The following MEIS2 variants were observed in gnomAD, a reference collection of about 807,000 sequenced individuals.
MEIS2 encodes Meis homeobox 2, also known as homeobox protein Meis2.
In MEIS2, 9 loss-of-function variants were observed where a neutral mutation model predicts 58.6. That is an observed-to-expected ratio of 0.15 (90% CI 0.09 to 0.27). The LOEUF is 0.27. MEIS2 is among the 10% of genes least tolerant of loss of function. MEIS2 has a pLI of 1.00. For synonymous variants in MEIS2, 221 were observed against 228.4 expected, an observed-to-expected ratio of 0.97 and a Z score of 0.29; for missense variants, 427 against 635.0, an observed-to-expected ratio of 0.67 and a Z score of 3.52.
intron 8 of MEIS2, among the ~76,000 whole-genome samples, chr15:37,020,176 C>T (rs566031806): frequency 3.0e-4 from 46 of 152,176 alleles, no homozygotes; most frequent in African/African-American, 1.1e-3. Context: ...CTGTGGAGAG[C>T]GGGGTTTGCC....
chr15:37,029,481 G>A (rs760695798), intron 8 of MEIS2, among the ~76,000 whole-genome samples: 1 of 152,112 alleles, frequency 6.6e-6, no homozygotes, highest in Non-Finnish European at 1.5e-5. Context: ...AACCATTCAA[G>A]ATCCTTAAAA....
intron 9 of MEIS2, among the ~76,000 whole-genome samples, chr15:36,929,271 A>G (rs2057872421): frequency 6.6e-6 from 1 of 152,240 alleles, no homozygotes; most frequent in African/African-American, 2.4e-5. Flanking sequence ...AGTAAGATGA[A>G]GGAAGAAGTG....
chr15:37,003,897 GAAGT>G (rs1029915410), intron 8 of MEIS2, among the ~76,000 whole-genome samples: 3 of 152,150 alleles, frequency 2.0e-5, no homozygotes, highest in Non-Finnish European at 4.4e-5. Flanking sequence ...TCTACACCGG[GAAGT>G]AAGCCGTCAC....
chr15:37,036,688 T>C, intron 8 of MEIS2, 126 bp downstream of exon 8: 1 of 1,080,046 alleles, frequency 9.3e-7, no homozygotes, highest in African/African-American at 1.6e-5. Context: ...AACTAGTCTG[T>C]TAGTCATCAG....
At chr15:36,892,531 A>AAAAT in intron 11 of MEIS2, 72 bp from the exon 12 acceptor site, 1 of 1,216,422 alleles carries the variant, frequency 8.2e-7, no homozygotes, top group Non-Finnish European at 1.1e-6. Context: ...ATCAAAGATG[A>AAAAT]AAAGAAAAAA....
At chr15:36,925,359 G>C (rs944835796) in intron 9 of MEIS2, among the ~76,000 whole-genome samples, 1 of 152,126 alleles carries the variant, frequency 6.6e-6, no homozygotes, top group Non-Finnish European at 1.5e-5. Context: ...GAAGATGGAG[G>C]GGCGCACCCT....
At chr15:36,995,766 G>C (rs377275871) in intron 8 of MEIS2, among the ~76,000 whole-genome samples, 1 of 33,614 alleles carries the variant, frequency 3.0e-5, no homozygotes, top group African/African-American at 9.2e-5. Flanking sequence ...AAGAAAGAAA[G>C]AAAAAAAACC....
At chr15:36,981,891 T>A (rs1159600561) in intron 8 of MEIS2, among the ~76,000 whole-genome samples, 2 of 152,058 alleles carry the variant, frequency 1.3e-5, no homozygotes, top group Non-Finnish European at 2.9e-5. Flanking sequence ...ACCTTGTATA[T>A]CAGAACTGCT....
chr15:37,093,713 A>G lies in MEIS2; in HGVS notation c.507T>C (p.Asp169=), dbSNP rs139184400. Residue 169 remains aspartate, a synonymous_variant, in exon 6 of 12, where the codon GAT becomes GAC. Coordinates refer to ENST00000561208, the MANE Select transcript of MEIS2 (RefSeq NM_170675.5). ...LELEKVHELC[D]NFCHRYISCL... is the part of the protein sequence containing the mutation. Reference sequence around the variant, plus strand: ...AGCTAATGTATCGGTGGCAGAAGTTATCGCACAGTTCGTGGACCTAGAACG... The same window carrying G: ...AGCTAATGTATCGGTGGCAGAAGTTGTCGCACAGTTCGTGGACCTAGAACG... The G allele has an allele frequency of 2.5e-4, 409 of 1,614,182 alleles. No individual in the cohort carries two copies. The African/African-American group carries it at 4.8e-3, about 19-fold the overall frequency.
rs910088055 is a variant in MEIS2 at position 36,889,370 on chromosome 15, G to A, written c.*2803C>T. 2.6e-5 allele frequency: 4 copies of A among 152,070 alleles called. No homozygotes were observed. The highest frequency in any genetic ancestry group is 5.9e-5 in the Non-Finnish European group (4 of 68,034). The allele number at this position is 152,070 out of a possible 1,614,324, so 9.4% of individuals were successfully genotyped here. On this transcript the variant is annotated 3_prime_UTR_variant, in exon 12 of 12. Coordinates refer to ENST00000561208, the MANE Select transcript of MEIS2 (RefSeq NM_170675.5). ...AATAGTAAACCCGAGATAGGAGCAA[G>A]TGCCTTCCGGGGTGGTGTAAAAAAA...
intron 8 of MEIS2, among the ~76,000 whole-genome samples, chr15:36,999,499 T>C (rs935482977): frequency 3.9e-5 from 6 of 152,126 alleles, no homozygotes; most frequent in African/African-American, 1.4e-4. Flanking sequence ...TGCAGAACAG[T>C]GCCATTAAGA....
At chr15:36,934,528 T>C (rs948891340) in intron 9 of MEIS2, among the ~76,000 whole-genome samples, 3 of 152,234 alleles carry the variant, frequency 2.0e-5, no homozygotes, top group Admixed American at 6.5e-5. Flanking sequence ...TGGTTTTAAC[T>C]TGAAGGCATT....
intron 9 of MEIS2, among the ~76,000 whole-genome samples, chr15:36,925,611 C>T (rs1567060573): frequency 6.6e-6 from 1 of 152,134 alleles, no homozygotes; most frequent in Non-Finnish European, 1.5e-5. Flanking sequence ...CTCTGCTATA[C>T]TTTAATTTGG....
intron 8 of MEIS2, among the ~76,000 whole-genome samples, chr15:36,995,956 GATATAT>G (rs539738718): frequency 8.2e-4 from 92 of 112,860 alleles, no homozygotes; most frequent in African/African-American, 2.5e-3. Context: ...TCTAGTCTGA[GATATAT>G]ATATATATAT....
At chr15:36,984,192 G>T (rs2060021788) in intron 8 of MEIS2, among the ~76,000 whole-genome samples, 1 of 152,008 alleles carries the variant, frequency 6.6e-6, no homozygotes, top group African/African-American at 2.4e-5. Context: ...TTGAATAGAA[G>T]TGGTGGGAGT....
At position 36,890,835 on chromosome 15, in the gene MEIS2, T is replaced by C. The variant is rs2055815369; in HGVS notation, c.*1338A>G. On this transcript the variant is annotated 3_prime_UTR_variant, in exon 12 of 12. Transcript: ENST00000561208. ...CATCATGTACACATAGTTTCGTACC[T>C]TTAGAAGTTTTCTGCTGGTGGAACT... 1 of 152,158 alleles carries C rather than the reference T, an allele frequency of 6.6e-6. No homozygotes were observed. Among genetic ancestry groups the C allele is most frequent in the African/African-American group, 2.4e-5 (1 of 41,438 alleles). The allele number at this position is 152,158 out of a possible 1,614,324, so 9.4% of individuals were successfully genotyped here.
At chr15:37,030,022 T>C (rs2061851677) in intron 8 of MEIS2, among the ~76,000 whole-genome samples, 1 of 152,068 alleles carries the variant, frequency 6.6e-6, no homozygotes, top group South Asian at 2.1e-4. Context: ...CAATAAAAAA[T>C]AATAAAAACC....
intron 11 of MEIS2, chr15:36,894,894 C>T: frequency 8.4e-7 from 1 of 1,195,664 alleles, no homozygotes; most frequent in Non-Finnish European, 1.3e-6. Context: ...ACTCAGATTC[C>T]TTTTCACTTA....
intron 7 of MEIS2, among the ~76,000 whole-genome samples, chr15:37,061,304 T>G (rs1033762597): frequency 7.2e-5 from 11 of 152,196 alleles, no homozygotes; most frequent in African/African-American, 2.7e-4. Flanking sequence ...CATGTTAAAG[T>G]GCTGCAATAT....
Sources: allele counts gnomAD v4.1 joint callset (sites outside exome capture counted in the v4.1 genomes callset), GRCh38; gene constraint gnomAD v4.1.1; transcripts MANE v1.5; gene names NCBI Gene and HGNC (gene_info 2026-07-23, HGNC 2026-07-21).